Variants in TENM2 observed in about 807,000 individuals in gnomAD.
TENM2 encodes teneurin-2.
In TENM2, 52 loss-of-function variants were observed where a neutral mutation model predicts 245.2. The observed-to-expected ratio is 0.21, with a 90% CI of 0.17 to 0.27. The LOEUF (loss-of-function observed/expected upper bound fraction) is 0.27, where lower values mean the gene tolerates loss of function less well. TENM2 is among the 10% of genes least tolerant of loss of function. The pLI, the probability that TENM2 is intolerant of heterozygous loss-of-function variation, is 1.00. For missense variants in TENM2, 3,046 were observed against 3,666.8 expected (o/e 0.83, Z 4.37); for synonymous variants, 1,363 against 1,438.9 (o/e 0.95, Z 1.19).
Position 167,895,031 on chromosome 5 carries a change from C to G in TENM2, c.712+18836C>G, listed in dbSNP as rs186320754. ...GAAGGGAGGGAGGGAGGGAGGGAGG[C>G]AGGGAGGACGGAAAACTTAGAAAAG... On this transcript the variant is annotated intron_variant, in intron 3 of 28. Transcript: ENST00000518659. Among the ~76,000 whole-genome samples, 150 of 147,412 alleles carry G rather than the reference C, an allele frequency of 1.0e-3. 3 individuals carry two copies. The East Asian group carries it at 0.027, about 26-fold the overall frequency.
the TENM2 span, among the ~76,000 whole-genome samples, chr5:167,241,700 T>G: frequency 1.3e-5 from 2 of 152,140 alleles, no homozygotes. Context: ...TTTGGCAACA[T>G]GGGTATCTTT....
chr5:167,455,002 A>C (rs183748225), intron 2 of TENM2, among the ~76,000 whole-genome samples: 2 of 152,302 alleles, frequency 1.3e-5, no homozygotes, highest in Non-Finnish European at 2.9e-5. Context: ...TATCCTCCCC[A>C]AAAAAGAGAA....
At chr5:167,378,759 A>G (rs879509576) in intron 2 of TENM2, among the ~76,000 whole-genome samples, 4 of 152,048 alleles carry the variant, frequency 2.6e-5, no homozygotes, top group African/African-American at 4.8e-5. Flanking sequence ...CAGAAGAATA[A>G]CTAATTGCCT....
intron 7 of TENM2, chr5:168,088,276 A>G (rs760816827): frequency 2.0e-5 from 3 of 152,196 alleles, no homozygotes; most frequent in South Asian, 2.1e-4. Context: ...ATTTGTAGAC[A>G]TGGGTCTTTG....
At chr5:167,298,649 GAGA>G (rs1755113800) in intron 1 of TENM2, among the ~76,000 whole-genome samples, 2 of 152,042 alleles carry the variant, frequency 1.3e-5, no homozygotes, top group Admixed American at 1.3e-4. Context: ...AATGGAATAA[GAGA>G]AGGAGAAAAA....
At chr5:167,732,875 G>A (rs1192705452) in intron 2 of TENM2, among the ~76,000 whole-genome samples, 4 of 152,124 alleles carry the variant, frequency 2.6e-5, no homozygotes, top group Non-Finnish European at 5.9e-5. Context: ...TCATTGTTGG[G>A]TATATAAGGT....
At chr5:167,840,802 CA>C (rs767456174) in intron 2 of TENM2, among the ~76,000 whole-genome samples, 2 of 152,114 alleles carry the variant, frequency 1.3e-5, no homozygotes, top group Non-Finnish European at 2.9e-5. Flanking sequence ...GAATTAATGT[CA>C]AAAAAACAAT....
chr5:167,408,572 G>A (rs1266773011), intron 2 of TENM2, among the ~76,000 whole-genome samples: 1 of 151,942 alleles, frequency 6.6e-6, no homozygotes, highest in East Asian at 1.9e-4. Flanking sequence ...CTTTACTGCG[G>A]TCTTTATGAA....
chr5:167,630,833 T>C (rs925811818), intron 2 of TENM2, among the ~76,000 whole-genome samples: 22 of 152,198 alleles, frequency 1.4e-4, no homozygotes, highest in Admixed American at 1.2e-3. Context: ...ATAGCTTTTC[T>C]CTCCTGGGAA....
At chr5:167,958,098 G>A (rs1001797624) in intron 4 of TENM2, among the ~76,000 whole-genome samples, 9 of 152,110 alleles carry the variant, frequency 5.9e-5, no homozygotes, top group Non-Finnish European at 8.8e-5. Context: ...TTATTATTGC[G>A]TGGGAGTCTA....
chr5:167,887,916 A>G (rs1323325304), intron 3 of TENM2, among the ~76,000 whole-genome samples: 1 of 151,992 alleles, frequency 6.6e-6, no homozygotes, highest in Non-Finnish European at 1.5e-5. Context: ...GCTGCCAGCA[A>G]CCCTTAGCAT....
intron 1 of TENM2, among the ~76,000 whole-genome samples, chr5:167,311,520 A>G (rs1367185582): frequency 2.0e-5 from 3 of 152,208 alleles, no homozygotes; most frequent in Admixed American, 1.3e-4. Flanking sequence ...TTCTTTAACA[A>G]TGATGTGGCA....
At chr5:168,121,907 A>G (rs1296226866) in intron 10 of TENM2, among the ~76,000 whole-genome samples, 1 of 152,250 alleles carries the variant, frequency 6.6e-6, no homozygotes, top group Non-Finnish European at 1.5e-5. Flanking sequence ...TTGGAACAAT[A>G]TAAACATGAT....
chr5:167,423,217 A>AT (rs1186852767), intron 2 of TENM2, among the ~76,000 whole-genome samples: 1 of 152,108 alleles, frequency 6.6e-6, no homozygotes, highest in Non-Finnish European at 1.5e-5. Context: ...TTATTGTAGC[A>AT]TTTTTAGGGG....
the TENM2 span, among the ~76,000 whole-genome samples, chr5:167,241,345 A>G: frequency 6.6e-6 from 1 of 152,342 alleles, no homozygotes; most frequent in East Asian, 1.9e-4. Context: ...TTATAGGGTT[A>G]CAAATTCTGA....
At chr5:167,511,169 T>G (rs894567867) in intron 2 of TENM2, among the ~76,000 whole-genome samples, 5 of 152,148 alleles carry the variant, frequency 3.3e-5, no homozygotes, top group African/African-American at 9.7e-5. Context: ...CCTTAACTCA[T>G]CACAATCTAG....
the TENM2 span, among the ~76,000 whole-genome samples, chr5:167,266,061 A>G: frequency 1.3e-5 from 2 of 152,182 alleles, no homozygotes; most frequent in Non-Finnish European, 2.9e-5. Flanking sequence ...TAGAGACTCA[A>G]TAAAGTCAAG....
chr5:167,037,250 A>G, the TENM2 span, among the ~76,000 whole-genome samples: 2 of 152,146 alleles, frequency 1.3e-5, no homozygotes, highest in African/African-American at 2.4e-5. Context: ...TAAACTTGCT[A>G]TTTTTCATTT....
intron 5 of TENM2, among the ~76,000 whole-genome samples, chr5:168,022,133 T>C (rs1033900310): frequency 6.6e-6 from 1 of 152,260 alleles, no homozygotes; most frequent in African/African-American, 2.4e-5. Flanking sequence ...TTTATTCATT[T>C]ACTCATCCAT....
Sources: allele counts gnomAD v4.1 joint callset (sites outside exome capture counted in the v4.1 genomes callset), GRCh38; gene constraint gnomAD v4.1.1; transcripts MANE v1.5; gene names NCBI Gene and HGNC (gene_info 2026-07-23, HGNC 2026-07-21).